ITGB8: variants seen among roughly 807,000 people sequenced by gnomAD.
The protein encoded by ITGB8 is integrin beta-8.
ITGB8 carries 30 observed loss-of-function variants against 89.5 expected under a neutral mutation model. The ratio of observed to expected loss-of-function variants is 0.34; its 90% CI spans 0.25 to 0.45. The LOEUF is 0.45. Among genes scored for constraint, ITGB8 ranks in the 20% least tolerant of loss-of-function variants. The pLI is 1.00. For synonymous variants in ITGB8, 335 were observed against 320.4 expected (o/e 1.05, Z -0.49); for missense variants, 836 against 933.3 (o/e 0.90, Z 1.36).
intron 1 of ITGB8, among the ~76,000 whole-genome samples, chr7:20,338,536 G>A (rs1246699680): frequency 6.6e-6 from 1 of 152,118 alleles, no homozygotes; most frequent in Non-Finnish European, 1.5e-5. Flanking sequence ...GACAGGCTGA[G>A]GCACAAGAAT....
At chr7:20,385,197 A>G (rs888636066) in intron 6 of ITGB8, among the ~76,000 whole-genome samples, 16 of 152,328 alleles carry the variant, frequency 1.1e-4, no homozygotes, top group African/African-American at 3.6e-4. Context: ...TTCAGTAACA[A>G]TGAAAGAAGA....
chr7:20,388,288 C>T (rs958087694), intron 6 of ITGB8, among the ~76,000 whole-genome samples: 52 of 152,152 alleles, frequency 3.4e-4, no homozygotes, highest in Admixed American at 6.5e-5. Flanking sequence ...TCAGAGTTTA[C>T]AGAAACAATA....
intron 1 of ITGB8, among the ~76,000 whole-genome samples, chr7:20,342,853 C>T (rs190390026): frequency 1.3e-3 from 205 of 152,258 alleles, no homozygotes; most frequent in African/African-American, 4.8e-3. Flanking sequence ...TTCGCAAGTA[C>T]GGCAGAGCCT....
rs1233416870 is a variant in ITGB8, at chr7:20,404,641, T to C, written c.1701T>C (p.Cys567=). ...HGNLCAGHGE[C]EAGRCQCFSG... ...TCTTCCTCACAGGGCATGGAGAGTG[T>C]GAAGCAGGCAGATGCCAATGCTTCA... The change falls in exon 11 of 14, where the codon TGT becomes TGC. Residue 567 remains cysteine (C), a synonymous_variant. Transcript: ENST00000222573. 3 of 1,613,872 alleles carry C rather than the reference T, an allele frequency of 1.9e-6. No individual in the cohort carries two copies. Among genetic ancestry groups the C allele is most frequent in the Non-Finnish European group, 1.7e-6 (2 of 1,179,872 alleles).
At chr7:20,332,138 C>A in intron 1 of ITGB8, 1 of 1,105,938 alleles carries the variant, frequency 9.0e-7, no homozygotes, top group Non-Finnish European at 1.2e-6. Context: ...ACAGCAAGGA[C>A]TAATTATCAG....
intron 5 of ITGB8, 34 bp from the exon 6 acceptor site, chr7:20,381,693 T>C (rs763619254): frequency 1.3e-6 from 2 of 1,539,464 alleles, no homozygotes; most frequent in Admixed American, 3.7e-5. Flanking sequence ...ATCTGTGTTA[T>C]TGTACAAAGT....
intron 6 of ITGB8, among the ~76,000 whole-genome samples, chr7:20,389,541 TC>T (rs1183360032): frequency 1.3e-5 from 2 of 152,232 alleles, no homozygotes; most frequent in African/African-American, 2.4e-5. Context: ...TGATTTTATG[TC>T]AGTTAAGTAA....
intron 1 of ITGB8, among the ~76,000 whole-genome samples, chr7:20,355,929 C>G (rs541505713): frequency 3.3e-5 from 5 of 152,194 alleles, no homozygotes; most frequent in Non-Finnish European, 5.9e-5. Flanking sequence ...GATGTGTTAT[C>G]ATTATTTGAA....
chr7:20,338,683 G>C (rs1239838528), intron 1 of ITGB8, among the ~76,000 whole-genome samples: 3 of 152,084 alleles, frequency 2.0e-5, no homozygotes, highest in Admixed American at 2.0e-4. Flanking sequence ...GGGAGACAAA[G>C]AAAGCACCAG....
chr7:20,356,594 A>G (rs1785303004), intron 1 of ITGB8, among the ~76,000 whole-genome samples: 2 of 152,170 alleles, frequency 1.3e-5, no homozygotes, highest in African/African-American at 2.4e-5. Context: ...TGCAATTGGG[A>G]AAGGGATATT....
chr7:20,331,415 G>A lies in ITGB8; in HGVS notation c.-392G>A. On this transcript the variant is annotated 5_prime_UTR_variant, in exon 1 of 14. Transcript: ENST00000222573. ...CTTTGTTTGGGTTTGATTGTGTTTG[G>A]CTCTTCGCTAAGCTGATTTATGCAG... The A allele has an allele frequency of 5.0e-6, 2 of 401,344 alleles. No individual in the cohort carries two copies. The highest frequency in any genetic ancestry group is 8.7e-6 in the Non-Finnish European group (2 of 228,888). The allele number at this position is 401,344 out of a possible 1,614,324, so 24.9% of individuals were successfully genotyped here. A position where few individuals can be genotyped will look rare whatever the true frequency, so the allele number is the denominator to read the frequency against.
At chr7:20,347,699 G>A (rs1287485950) in intron 1 of ITGB8, among the ~76,000 whole-genome samples, 2 of 152,210 alleles carry the variant, frequency 1.3e-5, no homozygotes, top group Non-Finnish European at 2.9e-5. Context: ...GAATCTGAGT[G>A]GGTTGCCAAG....
At chr7:20,359,246 G>C (rs190371632) in intron 1 of ITGB8, among the ~76,000 whole-genome samples, 15 of 152,280 alleles carry the variant, frequency 9.9e-5, no homozygotes, top group Admixed American at 9.8e-4. Context: ...AGGATCTGAG[G>C]ATCTGTGCTT....
intron 3 of ITGB8, among the ~76,000 whole-genome samples, chr7:20,376,925 C>T (rs1022964805): frequency 1.3e-5 from 2 of 152,210 alleles, no homozygotes; most frequent in African/African-American, 4.8e-5. Flanking sequence ...AAAATCGAGC[C>T]ACAGCAGCCC....
intron 1 of ITGB8, among the ~76,000 whole-genome samples, chr7:20,358,527 A>G (rs370516467): frequency 1.3e-5 from 2 of 151,790 alleles, no homozygotes; most frequent in East Asian, 3.9e-4. Context: ...CAAGGCAAAG[A>G]AAGTAGCTGG....
chr7:20,367,210 T>G, intron 3 of ITGB8, 24 bp downstream of exon 3: 1 of 1,534,642 alleles, frequency 6.5e-7, no homozygotes, highest in Non-Finnish European at 8.9e-7. Context: ...CAAATAAATC[T>G]ATAATGATTC....
chr7:20,408,163 C>G (rs1005148807), intron 12 of ITGB8, among the ~76,000 whole-genome samples: 4 of 152,072 alleles, frequency 2.6e-5, no homozygotes, highest in African/African-American at 4.8e-5. Context: ...CTAAATCAAC[C>G]AGAGGAAATG....
At chr7:20,358,698 C>T (rs1785386360) in intron 1 of ITGB8, among the ~76,000 whole-genome samples, 1 of 152,168 alleles carries the variant, frequency 6.6e-6, no homozygotes, top group African/African-American at 2.4e-5. Flanking sequence ...CCACTGCGCC[C>T]AGCCAGCAGT....
chr7:20,386,116 G>T (rs1786603467), intron 6 of ITGB8, among the ~76,000 whole-genome samples: 1 of 152,186 alleles, frequency 6.6e-6, no homozygotes, highest in Non-Finnish European at 1.5e-5. Context: ...AATACAACTA[G>T]AAAGTTTTAA....
Sources: allele counts gnomAD v4.1 joint callset (sites outside exome capture counted in the v4.1 genomes callset), GRCh38; gene constraint gnomAD v4.1.1; transcripts MANE v1.5; gene names NCBI Gene and HGNC (gene_info 2026-07-23, HGNC 2026-07-21).